Variants in TRMT10A observed in about 807,000 individuals in gnomAD.
TRMT10A encodes tRNA methyltransferase 10A, also known as tRNA methyltransferase 10 homolog A.
In TRMT10A, 37 loss-of-function variants were observed where a neutral mutation model predicts 40.4. That is an observed-to-expected ratio of 0.92 (90% CI 0.71 to 1.21). TRMT10A has a LOEUF of 1.21. TRMT10A is among the 50% of genes most tolerant of loss of function. The pLI is 0.00. For missense variants in TRMT10A, 388 were observed against 404.3 expected, an observed-to-expected ratio of 0.96 and a Z score of 0.35; for synonymous variants, 103 against 134.1, an observed-to-expected ratio of 0.77 and a Z score of 1.60.
At chr4:99,549,428 A>G in intron 7 of TRMT10A, 72 bp from the exon 8 acceptor site, 1 of 1,551,612 alleles carries the variant, frequency 6.4e-7, no homozygotes, top group South Asian at 1.2e-5. Context: ...CTTTTAAAAT[A>G]CATTGCCTTT....
chr4:99,550,093 G>C (rs919482865), intron 7 of TRMT10A, among the ~76,000 whole-genome samples: 23 of 111,246 alleles, frequency 2.1e-4, no homozygotes, highest in Admixed American at 6.4e-4. Context: ...AATGTTATTT[G>C]CAACAGCAAA....
chr4:99,559,100 T>A, intron 2 of TRMT10A, 54 bp downstream of exon 2: 1 of 1,505,856 alleles, frequency 6.6e-7, no homozygotes, highest in African/African-American at 1.4e-5. Flanking sequence ...ATGCAAGGTT[T>A]AACATTGCAT....
chr4:99,554,999 A>G (rs1470882652), intron 5 of TRMT10A, among the ~76,000 whole-genome samples: 1 of 152,196 alleles, frequency 6.6e-6, no homozygotes, highest in Non-Finnish European at 1.5e-5. Flanking sequence ...TAAAATGTAT[A>G]ATTAATAAAT....
Position 99,559,208 on chromosome 4 carries a change from T to C in TRMT10A, c.131A>G (p.Gln44Arg), listed in dbSNP as rs182815549. Reference protein sequence around the residue: ...GEGCEPISKRQMKKLIKQKQW... With the variant: ...GEGCEPISKRRMKKLIKQKQW... Reference sequence around the variant, plus strand: ...TTTCTGTTTTATTAGTTTTTTCATTTGTCGTTTAGATATTGGTTCACACCC... The same window carrying C: ...TTTCTGTTTTATTAGTTTTTTCATTCGTCGTTTAGATATTGGTTCACACCC... The change falls in exon 2 of 8, where the codon CAA becomes CGA. Residue 44 changes from glutamine (Q) to arginine (R), a missense_variant. Gln to Arg is a conservative substitution (Grantham distance 43, BLOSUM62 1). Coordinates refer to ENST00000394876, the MANE Select transcript of TRMT10A (RefSeq NM_001134665.3). 6.2e-7 allele frequency: 1 copy of C among 1,613,482 alleles called. No homozygotes were observed.
rs765104272 is a variant in TRMT10A at position 99,557,458 on chromosome 4, G to C, written c.349-42C>G. ...TTTTTAAAGCAAAGTTATTAAAATT[G>C]TCTATGGCCATTCTATGATCTTAAA... is the stretch of plus-strand genomic sequence containing the variant. On this transcript the variant is annotated intron_variant, in intron 3 of 7. Transcript: ENST00000394876. The C allele has an allele frequency of 2.6e-6, 4 of 1,557,534 alleles. No individual in the cohort carries two copies. The East Asian group carries it at 6.7e-5, about 26-fold the overall frequency.
intron 1 of TRMT10A, among the ~76,000 whole-genome samples, chr4:99,563,139 G>C (rs1724517571): frequency 6.6e-6 from 1 of 152,184 alleles, no homozygotes; most frequent in African/African-American, 2.4e-5. Flanking sequence ...CCTTTTAAAA[G>C]ACATGCGGAC....
intron 6 of TRMT10A, 21 bp downstream of exon 6, chr4:99,553,764 A>G: frequency 6.3e-7 from 1 of 1,583,050 alleles, no homozygotes; most frequent in Non-Finnish European, 8.5e-7. Context: ...AGCAAAAGCA[A>G]AAATAAAAAT....
At chr4:99,552,653 C>A (rs1724007784) in intron 6 of TRMT10A, among the ~76,000 whole-genome samples, 1 of 152,088 alleles carries the variant, frequency 6.6e-6, no homozygotes. Flanking sequence ...CAATTAGTAA[C>A]ACTACTTTGC....
chr4:99,557,362 C>A lies in TRMT10A; in HGVS notation c.403G>T (p.Ala135Ser). Residue 135 changes from alanine (A) to serine (S), a missense_variant, in exon 4 of 8, where the codon GCA (alanine) becomes TCA (serine). By Grantham distance (99) the Ala-to-Ser change is moderately conservative. Coordinates refer to ENST00000394876, the MANE Select transcript of TRMT10A (RefSeq NM_001134665.3). ...IQRCYAENRR[A>S]LHPVQFYLTS... The stretch of plus-strand genomic sequence containing the variant: ...ACACATACCTGCACAGGATGCAGTG[C>A]CCGTCGGTTTTCTGCGTAACATCGT... The A allele has an allele frequency of 2.5e-6, 4 of 1,613,394 alleles. No homozygotes were observed. The highest frequency in any genetic ancestry group is 3.4e-6 in the Non-Finnish European group (4 of 1,179,534).
chr4:99,551,388 G>C (rs1188642500), intron 6 of TRMT10A, among the ~76,000 whole-genome samples: 2 of 152,080 alleles, frequency 1.3e-5, no homozygotes, highest in African/African-American at 4.8e-5. Flanking sequence ...CAAAGTTTCA[G>C]GCAATGACAG....
At position 99,557,385 on chromosome 4, in the gene TRMT10A, C is replaced by T. The variant is rs749603901; in HGVS notation, c.380G>A (p.Arg127Gln). The change falls in exon 4 of 8, where the codon CGA becomes CAA. Residue 127 changes from arginine (R) to glutamine (Q), a missense_variant. By Grantham distance (43) the Arg-to-Gln change is conservative. Coordinates refer to ENST00000394876, the MANE Select transcript of TRMT10A (RefSeq NM_001134665.3). The stretch of plus-strand genomic sequence containing the variant: ...TGCCCGTCGGTTTTCTGCGTAACAT[C>T]GTTGAATCTGCTTATGAAGTTTCTT... ...DIKKLHKQIQ[R>Q]CYAENRRALH... The T allele has an allele frequency of 4.2e-5, 67 of 1,613,490 alleles. No individual in the cohort carries two copies. The highest frequency in any genetic ancestry group is 3.2e-4 in the Admixed American group (19 of 59,980).
At position 99,553,792 on chromosome 4, in the gene TRMT10A, T is replaced by C; in HGVS notation, c.638A>G (p.His213Arg). 2 of 1,604,668 alleles carry C rather than the reference T, an allele frequency of 1.2e-6. No individual in the cohort carries two copies. Among genetic ancestry groups the C allele is most frequent in the Non-Finnish European group, 1.7e-6 (2 of 1,177,598 alleles). The part of the protein sequence containing the change: ...YVIGGLVDHN[H>R]HKGLTYKQAS... ...ATAAAAATTTAATAGTACCTTGTGATGGTTGTGATCTACTAATCCTCCAAT... is the reference window on the plus strand; with the variant it reads ...ATAAAAATTTAATAGTACCTTGTGACGGTTGTGATCTACTAATCCTCCAAT... The change falls in exon 6 of 8, where the codon CAT becomes CGT. Residue 213 changes from histidine to arginine, a missense_variant. By Grantham distance (29) the His-to-Arg change is conservative (BLOSUM62 0). Coordinates refer to ENST00000394876, the MANE Select transcript of TRMT10A (RefSeq NM_001134665.3).
intron 1 of TRMT10A, among the ~76,000 whole-genome samples, chr4:99,559,708 A>AT (rs1464870601): frequency 6.6e-6 from 1 of 152,136 alleles, no homozygotes; most frequent in African/African-American, 2.4e-5. Flanking sequence ...GCACACAAAA[A>AT]TGTGCACAAG....
Position 99,558,172 on chromosome 4 carries a change from C to G in TRMT10A, c.225G>C (p.Glu75Asp). 1 of 1,598,446 alleles carries G rather than the reference C, an allele frequency of 6.3e-7. No homozygotes were observed. The highest frequency in any genetic ancestry group is 8.5e-7 in the Non-Finnish European group (1 of 1,176,010). The change falls in exon 3 of 8, where the codon GAG (glutamate) becomes GAC (aspartate). Residue 75 changes from glutamate to aspartate, a missense_variant. Glu to Asp is a conservative substitution (Grantham distance 45). Coordinates refer to ENST00000394876, the MANE Select transcript of TRMT10A (RefSeq NM_001134665.3). The part of the protein sequence containing the change: ...RKEKRKRKKL[E>D]RQCQMEPNSD... ...AGTTTGGTTCCATTTGACATTGTCG[C>G]TCTAATTTTTTCCTCTTGCGTTTTT...
chr4:99,557,681 GACA>G (rs938679149), intron 3 of TRMT10A: 5 of 406,624 alleles, frequency 1.2e-5, no homozygotes, highest in African/African-American at 4.2e-5. Flanking sequence ...TCTCTAAAGA[GACA>G]ACAACAAGAC....
intron 7 of TRMT10A, among the ~76,000 whole-genome samples, chr4:99,549,707 CT>C (rs1273825548): frequency 6.6e-6 from 1 of 152,124 alleles, no homozygotes; most frequent in African/African-American, 2.4e-5. Flanking sequence ...ATTCACTTAA[CT>C]TTCTTCATGT....
At position 99,557,355 on chromosome 4, in the gene TRMT10A, T is replaced by G; in HGVS notation, c.410A>C (p.His137Pro). 1 of 1,613,498 alleles carries G rather than the reference T, an allele frequency of 6.2e-7. No homozygotes were observed. The highest frequency in any genetic ancestry group is 2.2e-5 in the East Asian group (1 of 44,822). ...RCYAENRRAL[H>P]PVQFYLTSHG... ...AATCTTTACACATACCTGCACAGGA[T>G]GCAGTGCCCGTCGGTTTTCTGCGTA... Residue 137 changes from histidine to proline, a missense_variant, in exon 4 of 8, where the codon CAT (histidine) becomes CCT (proline). By Grantham distance (77) the His-to-Pro change is moderately conservative. Transcript: ENST00000394876.
intron 1 of TRMT10A, among the ~76,000 whole-genome samples, chr4:99,562,883 G>A (rs764095621): frequency 1.3e-5 from 2 of 151,342 alleles, no homozygotes; most frequent in Non-Finnish European, 2.9e-5. Flanking sequence ...GTGCAATGGC[G>A]CAATCTCGGC....
intron 1 of TRMT10A, among the ~76,000 whole-genome samples, chr4:99,561,032 C>CCT (rs1348966366): frequency 6.6e-6 from 1 of 151,308 alleles, no homozygotes; most frequent in Non-Finnish European, 1.5e-5. Flanking sequence ...TTCACTGCAA[C>CCT]CTCCGCCCAC....
Sources: gnomAD v4.1 joint callset for allele counts (sites outside exome capture counted in the v4.1 genomes callset) on GRCh38, gnomAD v4.1.1 for gene constraint, MANE v1.5 for transcripts, NCBI Gene and HGNC (gene_info 2026-07-23, HGNC 2026-07-21) for gene names.